Variants in COL5A1 observed in about 807,000 individuals in gnomAD.
The protein encoded by COL5A1 is collagen alpha-1(V) chain.
In COL5A1, 16 loss-of-function variants were observed where a neutral mutation model predicts 263.7. The observed-to-expected ratio is 0.06, with a 90% CI of 0.04 to 0.09. The LOEUF is 0.09. COL5A1 is among the 10% of genes least tolerant of loss of function. The pLI is 1.00. For synonymous variants in COL5A1, 1,012 were observed against 1,004.5 expected, an observed-to-expected ratio of 1.01 and a Z score of -0.14; for missense variants, 2,036 against 2,540.5, an observed-to-expected ratio of 0.80 and a Z score of 4.27.
intron 9 of COL5A1, 86 bp from the exon 10 acceptor site, chr9:134,738,388 C>T: frequency 6.8e-7 from 1 of 1,478,756 alleles, no homozygotes; most frequent in East Asian, 2.3e-5. Flanking sequence ...CTTGTGCATG[C>T]AGCTGAAGGC....
rs577618553 is a variant in COL5A1 at position 134,758,249 on chromosome 9, C to T, written c.1888C>T (p.Arg630Trp). 328 of 1,613,962 alleles carry T rather than the reference C, an allele frequency of 2.0e-4. No individual in the cohort carries two copies. The highest frequency in any genetic ancestry group is 2.6e-4 in the Non-Finnish European group (307 of 1,179,998). The change falls in exon 18 of 66, where the codon CGG becomes TGG. Residue 630 changes from arginine to tryptophan, a missense_variant. Arg to Trp is a moderately radical substitution (Grantham distance 101). This residue lies in a region of COL5A1 where 1,078 missense variants were observed against 1,521.4 expected (regional missense o/e 0.71). Coordinates refer to ENST00000371817, the MANE Select transcript of COL5A1 (RefSeq NM_000093.5). This position sits in a 1 kb window ranked among gnomAD's most constrained non-coding sequence, Gnocchi z 4.1. ...CTTTCTGTCCTTTTTGCAGGGTGAC[C>T]GGGGTTTCGACGGCCTGGCTGGGTT... ...MPGQTGPKGD[R>W]GFDGLAGLPG...
rs575319608 is a variant in COL5A1, at chr9:134,703,935, G to A, written c.654+2602G>A. ...ATTGCAGGCGTGAGCCACCGCGCCC[G>A]GCCTCAGGGTTTTAATGTTTGTCAT... On this transcript the variant is annotated intron_variant, in intron 4 of 65. Transcript: ENST00000371817. 3.2e-4 allele frequency among the ~76,000 whole-genome samples: 48 copies of A among 152,192 alleles called. 1 individual carries two copies. The highest frequency in any genetic ancestry group is 1.0e-3 in the African/African-American group (43 of 41,510).
chr9:134,783,784 A>G (rs1030575416), intron 29 of COL5A1, among the ~76,000 whole-genome samples: 7 of 152,170 alleles, frequency 4.6e-5, no homozygotes, highest in African/African-American at 1.4e-4. Flanking sequence ...CTCTTGCGCA[A>G]TGTTGTCCCA....
intron 1 of COL5A1, among the ~76,000 whole-genome samples, chr9:134,679,251 CTAGGGGGCACTGCCGGGCTGGT>C (rs1343230553): frequency 1.7e-4 from 24 of 138,678 alleles, no homozygotes; most frequent in Non-Finnish European, 3.5e-4. Flanking sequence ...GTGGGGCTGG[CTAGGGGGCACTGCCGGGCTGGT>C]TAGGGGGCAC....
intron 4 of COL5A1, among the ~76,000 whole-genome samples, chr9:134,723,186 G>A (rs889058157): frequency 5.3e-5 from 8 of 152,290 alleles, no homozygotes; most frequent in Non-Finnish European, 8.8e-5. Flanking sequence ...CTCAGCTCCC[G>A]ACGACCGCCA....
intron 58 of COL5A1, among the ~76,000 whole-genome samples, chr9:134,820,702 A>G (rs1838960201): frequency 6.6e-6 from 1 of 152,172 alleles, no homozygotes; most frequent in South Asian, 2.1e-4. Context: ...ACCATAGCCA[A>G]GGAAACGCCA....
At chr9:134,702,864 C>G (rs1157495355) in intron 4 of COL5A1, among the ~76,000 whole-genome samples, 2 of 152,228 alleles carry the variant, frequency 1.3e-5, no homozygotes, top group Non-Finnish European at 2.9e-5. Flanking sequence ...ACAGATGTGG[C>G]TGCTTCATGA....
At chr9:134,822,935 G>T in intron 59 of COL5A1, 63 bp from the exon 60 acceptor site, 3 of 1,598,952 alleles carry the variant, frequency 1.9e-6, no homozygotes, top group Non-Finnish European at 1.7e-6. Flanking sequence ...GGCAGGACAT[G>T]GAGCACGGTG....
Position 134,805,043 on chromosome 9 carries a change from C to T in COL5A1, c.3183C>T (p.Asp1061=). The change falls in exon 40 of 66, where the codon GAC becomes GAT. Residue 1061 remains aspartate, a synonymous_variant. Coordinates refer to ENST00000371817, the MANE Select transcript of COL5A1 (RefSeq NM_000093.5). Reference sequence around the variant, plus strand: ...CAGGATTACGTGGTTTCCCTGGGGACCGAGGGCTTCCTGGTCCAGTGGTGA... The same window carrying T: ...CAGGATTACGTGGTTTCCCTGGGGATCGAGGGCTTCCTGGTCCAGTGGTGA... ...GPPGLRGFPG[D]RGLPGPVGAL... 6.2e-7 allele frequency: 1 copy of T among 1,613,964 alleles called. No individual in the cohort carries two copies. Among genetic ancestry groups the T allele is most frequent in the Non-Finnish European group, 8.5e-7 (1 of 1,180,010 alleles).
intron 1 of COL5A1, among the ~76,000 whole-genome samples, chr9:134,668,374 C>T (rs1224329848): frequency 6.6e-6 from 1 of 152,154 alleles, no homozygotes; most frequent in East Asian, 1.9e-4. Context: ...GATTCCAGGT[C>T]TGAGGAACAG....
In COL5A1 at chr9:134,754,702, C is replaced by T. The variant is rs572638161; in HGVS notation, c.1827+376C>T. Among the ~76,000 whole-genome samples the T allele has an allele frequency of 3.9e-5, 6 of 152,324 alleles. 1 individual carries two copies. In the South Asian group the frequency reaches 8.3e-4, roughly 21 times the overall value. On this transcript the variant is annotated intron_variant, in intron 16 of 65. Transcript: ENST00000371817. The surrounding 1 kb of genome is among the most constrained non-coding windows in gnomAD (Gnocchi z 4.3). ...AAATGGCCTGATTCGGGGGCATGGGCGGGCCTTCCTGCGCCTTACCTGCTG... is the reference window on the plus strand; with the variant it reads ...AAATGGCCTGATTCGGGGGCATGGGTGGGCCTTCCTGCGCCTTACCTGCTG...
intron 37 of COL5A1, among the ~76,000 whole-genome samples, chr9:134,801,725 T>A (rs1351011798): frequency 1.4e-5 from 2 of 146,386 alleles, no homozygotes; most frequent in Non-Finnish European, 3.0e-5. Context: ...AGGCAGAGGT[T>A]GCAGTGACCC....
intron 4 of COL5A1, among the ~76,000 whole-genome samples, chr9:134,723,134 C>T (rs984270407): frequency 6.6e-6 from 1 of 152,196 alleles, no homozygotes; most frequent in Non-Finnish European, 1.5e-5. Flanking sequence ...CCAGTGCCCT[C>T]CTCAGCCCAG....
At chr9:134,814,936 G>C in intron 50 of COL5A1, 32 bp downstream of exon 50, 1 of 1,478,334 alleles carries the variant, frequency 6.8e-7, no homozygotes, top group Non-Finnish European at 9.2e-7. Flanking sequence ...CAGGGGCCCT[G>C]CAGCAGGGGC....
rs1485040543 is a variant in COL5A1, at chr9:134,774,928, G to A, written c.2385+16G>A. ...AGGAGTCAAGGTGAGAGAGACTCAC[G>A]CCACTCCAGGTCGTCCTGGAGGTCA... On this transcript the variant is annotated intron_variant, in intron 27 of 65. Coordinates refer to ENST00000371817, the MANE Select transcript of COL5A1 (RefSeq NM_000093.5). 5.6e-6 allele frequency: 9 copies of A among 1,611,848 alleles called. No individual in the cohort carries two copies. Among genetic ancestry groups the A allele is most frequent in the South Asian group, 1.1e-5 (1 of 90,588 alleles).
chr9:134,759,742 AC>A (rs1280339759), intron 18 of COL5A1, among the ~76,000 whole-genome samples: 2 of 48,604 alleles, frequency 4.1e-5, no homozygotes, highest in African/African-American at 2.0e-4. Context: ...ATACACACAC[AC>A]CACACATGCA....
chr9:134,759,414 C>T (rs1199439041), intron 18 of COL5A1, among the ~76,000 whole-genome samples: 2 of 139,384 alleles, frequency 1.4e-5, no homozygotes, highest in African/African-American at 2.8e-5. Flanking sequence ...CCCACACACA[C>T]CCACACTCAT....
intron 65 of COL5A1, among the ~76,000 whole-genome samples, chr9:134,835,446 C>T (rs763710617): frequency 1.2e-4 from 19 of 152,272 alleles, no homozygotes; most frequent in African/African-American, 3.1e-4. Context: ...GAGACCTGGC[C>T]GGAAAAGCCA....
Position 134,780,503 on chromosome 9 carries a change from G to A in COL5A1, c.2430+357G>A, listed in dbSNP as rs567239587. 2.1e-4 allele frequency among the ~76,000 whole-genome samples: 32 copies of A among 151,926 alleles called. No individual in the cohort carries two copies. In the South Asian group the frequency reaches 5.8e-3, roughly 28 times the overall value. On this transcript the variant is annotated intron_variant, in intron 28 of 65. Transcript: ENST00000371817. ...CACCCTCCCCACTCCCAGGTGGGCC[G>A]CCTTGCATGGCCGCTGGCACGAGGG... is the stretch of plus-strand genomic sequence containing the variant.
Sources: allele counts gnomAD v4.1 joint callset (sites outside exome capture counted in the v4.1 genomes callset), GRCh38; gene constraint gnomAD v4.1.1; regional missense constraint gnomAD v4.1.1; non-coding constraint Gnocchi (gnomAD v3.1); transcripts MANE v1.5; gene names NCBI Gene and HGNC (gene_info 2026-07-23, HGNC 2026-07-21).